PRKG1: variants seen among roughly 807,000 people sequenced by gnomAD.
The protein encoded by PRKG1 is protein kinase cGMP-dependent 1.
Under a neutral mutation model 88.1 loss-of-function variants are expected in PRKG1, and 35 were observed. That is an observed-to-expected ratio of 0.40 (90% CI 0.30 to 0.53). PRKG1 has a LOEUF of 0.53. Among genes scored for constraint, PRKG1 ranks in the 20% least tolerant of loss-of-function variants. The pLI, the probability that PRKG1 is intolerant of heterozygous loss-of-function variation, is 0.59. For missense variants in PRKG1, 540 were observed against 839.8 expected, an observed-to-expected ratio of 0.64 and a Z score of 4.41; for synonymous variants, 303 against 292.5, an observed-to-expected ratio of 1.04 and a Z score of -0.37.
chr10:51,279,536 A>T (rs1042399211), intron 2 of PRKG1, among the ~76,000 whole-genome samples: 3 of 152,122 alleles, frequency 2.0e-5, no homozygotes, highest in African/African-American at 4.8e-5. Flanking sequence ...GTCTCTAAGG[A>T]CTTGCTTTAT....
At position 52,187,946 on chromosome 10, in the gene PRKG1, GA is replaced by G. The variant is rs147732001; in HGVS notation, c.1076+25985del. 1.7e-3 allele frequency among the ~76,000 whole-genome samples: 262 copies of G among 152,186 alleles called. 1 individual carries two copies. The highest frequency in any genetic ancestry group is 5.3e-3 in the African/African-American group (221 of 41,564). On this transcript the variant is annotated intron_variant, in intron 9 of 17. Transcript: ENST00000373980. ...AGAGTTTGGAACGTGATAGGATGTA[GA>G]ATTGTTAAAAGATCTCAAGGAGAAT...
Position 51,402,249 on chromosome 10 carries a change from T to C in PRKG1, c.479-65474T>C, listed in dbSNP as rs74132006. On this transcript the variant is annotated intron_variant, in intron 2 of 17. Transcript: ENST00000373980. Reference sequence around the variant, plus strand: ...CATTCACTTATTATGCTATAAGTCATAGATTATTAATCAGCCAACCACCTT... The same window carrying C: ...CATTCACTTATTATGCTATAAGTCACAGATTATTAATCAGCCAACCACCTT... Among the ~76,000 whole-genome samples, 141 of 152,324 alleles carry C rather than the reference T, an allele frequency of 9.3e-4. 1 individual carries two copies. Among genetic ancestry groups the C allele is most frequent in the African/African-American group, 3.3e-3 (138 of 41,574 alleles).
intron 3 of PRKG1, among the ~76,000 whole-genome samples, chr10:51,612,608 C>G (rs1032477781): frequency 1.3e-5 from 2 of 151,900 alleles, no homozygotes; most frequent in Non-Finnish European, 2.9e-5. Context: ...AATGTGAATG[C>G]CTTTTATTTC....
At chr10:51,785,515 T>C (rs1838705362) in intron 3 of PRKG1, among the ~76,000 whole-genome samples, 1 of 152,138 alleles carries the variant, frequency 6.6e-6, no homozygotes, top group African/African-American at 2.4e-5. Flanking sequence ...ACGCAACTTG[T>C]AACAACTTAA....
At chr10:51,908,737 T>TTTTTTTG (rs1842148122) in intron 5 of PRKG1, 1 of 80,640 alleles carries the variant, frequency 1.2e-5, no homozygotes, top group Admixed American at 1.1e-4. Flanking sequence ...ATATGTAATT[T>TTTTTTTG]TTTTTTTTTT....
chr10:51,116,385 T>C (rs1350522048), intron 1 of PRKG1, among the ~76,000 whole-genome samples: 1 of 152,128 alleles, frequency 6.6e-6, no homozygotes, highest in East Asian at 1.9e-4. Context: ...ACTAGAACTC[T>C]TCAGTCCCTG....
At chr10:51,658,112 G>T (rs1840207238) in intron 3 of PRKG1, among the ~76,000 whole-genome samples, 1 of 152,080 alleles carries the variant, frequency 6.6e-6, no homozygotes, top group African/African-American at 2.4e-5. Context: ...AGGAAATACG[G>T]ATTTATCTGT....
At chr10:51,443,574 A>G (rs187496646) in intron 2 of PRKG1, among the ~76,000 whole-genome samples, 7 of 152,142 alleles carry the variant, frequency 4.6e-5, no homozygotes, top group South Asian at 4.1e-4. Context: ...GGGAAAGTAA[A>G]CTTGTTTTTT....
chr10:51,235,482 C>A (rs1165540681), intron 2 of PRKG1, among the ~76,000 whole-genome samples: 1 of 152,170 alleles, frequency 6.6e-6, no homozygotes, highest in Non-Finnish European at 1.5e-5. Context: ...TTGTACATTA[C>A]TGTCTGCCTT....
At chr10:52,223,425 T>C (rs935582132) in intron 9 of PRKG1, among the ~76,000 whole-genome samples, 6 of 152,282 alleles carry the variant, frequency 3.9e-5, no homozygotes, top group African/African-American at 1.2e-4. Flanking sequence ...TCTCCTAGTT[T>C]TCTTTCTTTC....
intron 3 of PRKG1, among the ~76,000 whole-genome samples, chr10:51,768,533 C>G (rs1838226584): frequency 6.6e-6 from 1 of 152,082 alleles, no homozygotes; most frequent in Admixed American, 6.6e-5. Context: ...TGCTGATGGT[C>G]TATAAATTTA....
intron 3 of PRKG1, among the ~76,000 whole-genome samples, chr10:51,788,161 ACCAGTGATC>A (rs1838776123): frequency 1.3e-5 from 2 of 152,206 alleles, no homozygotes; most frequent in African/African-American, 4.8e-5. Flanking sequence ...TATGGAAGAT[ACCAGTGATC>A]CTTTTGTAAA....
At chr10:52,069,218 A>AT (rs1232225485) in intron 7 of PRKG1, among the ~76,000 whole-genome samples, 2 of 152,050 alleles carry the variant, frequency 1.3e-5, no homozygotes, top group African/African-American at 4.8e-5. Context: ...TCTGATGTAT[A>AT]TTTTTTTCTT....
At chr10:51,693,826 T>C (rs1344331430) in intron 3 of PRKG1, among the ~76,000 whole-genome samples, 4 of 152,150 alleles carry the variant, frequency 2.6e-5, no homozygotes, top group Non-Finnish European at 5.9e-5. Flanking sequence ...AATATGAATA[T>C]TTGTGAAGGT....
intron 3 of PRKG1, among the ~76,000 whole-genome samples, chr10:51,653,674 C>G (rs895772081): frequency 6.6e-6 from 1 of 152,014 alleles, no homozygotes; most frequent in African/African-American, 2.4e-5. Context: ...TCAAGCAATT[C>G]TCTTGCCTCA....
intron 2 of PRKG1, among the ~76,000 whole-genome samples, chr10:51,466,230 A>G (rs1343975274): frequency 6.6e-6 from 1 of 152,164 alleles, no homozygotes; most frequent in African/African-American, 2.4e-5. Context: ...TTATGAAAAG[A>G]TGAATTTACC....
At chr10:51,242,776 T>C (rs1051712750) in intron 2 of PRKG1, among the ~76,000 whole-genome samples, 1 of 152,136 alleles carries the variant, frequency 6.6e-6, no homozygotes, top group African/African-American at 2.4e-5. Context: ...AATTTTTAGA[T>C]TAATTAGCTT....
chr10:51,301,327 G>A (rs1840879592), intron 2 of PRKG1, among the ~76,000 whole-genome samples: 1 of 151,946 alleles, frequency 6.6e-6, no homozygotes, highest in Admixed American at 6.6e-5. Context: ...AGGCTCAGAA[G>A]GGATAAAATA....
At chr10:51,832,194 A>G (rs1342094324) in intron 4 of PRKG1, among the ~76,000 whole-genome samples, 2 of 152,230 alleles carry the variant, frequency 1.3e-5, no homozygotes, top group South Asian at 2.1e-4. Context: ...AAATTTTCCA[A>G]TATCACAAAG....
Sources: allele counts gnomAD v4.1 joint callset (sites outside exome capture counted in the v4.1 genomes callset), GRCh38; gene constraint gnomAD v4.1.1; transcripts MANE v1.5; gene names NCBI Gene and HGNC (gene_info 2026-07-23, HGNC 2026-07-21).